TMEM132C: variants seen among roughly 807,000 people sequenced by gnomAD.
The protein encoded by TMEM132C is transmembrane protein 132C, also known as protein phosphatase 1, regulatory subunit 152.
TMEM132C carries 29 observed loss-of-function variants against 61.4 expected under a neutral mutation model. The observed-to-expected ratio is 0.47, with a 90% CI of 0.35 to 0.64. The LOEUF (loss-of-function observed/expected upper bound fraction) is 0.64, where lower values mean the gene tolerates loss of function less well. TMEM132C is among the 30% of genes least tolerant of loss of function. TMEM132C has a pLI of 0.00. For synonymous variants in TMEM132C, 656 were observed against 633.1 expected, an observed-to-expected ratio of 1.04 and a Z score of -0.54; for missense variants, 1,408 against 1,476.9, an observed-to-expected ratio of 0.95 and a Z score of 0.76.
At chr12:128,286,591 G>A (rs1015532570) in intron 1 of TMEM132C, among the ~76,000 whole-genome samples, 2 of 152,200 alleles carry the variant, frequency 1.3e-5, no homozygotes, top group African/African-American at 4.8e-5. Context: ...ATAAAAAATT[G>A]TTAAATGCTG....
At position 128,673,878 on chromosome 12, in the gene TMEM132C, G is replaced by T. The variant is rs575251988; in HGVS notation, c.1449+4318G>T. Among the ~76,000 whole-genome samples, 5 of 152,298 alleles carry T rather than the reference G, an allele frequency of 3.3e-5. No individual in the cohort carries two copies. In the East Asian group the frequency reaches 9.6e-4, roughly 29 times the overall value. On this transcript the variant is annotated intron_variant, in intron 5 of 8. Transcript: ENST00000435159. ...ACCTAGTAGCCAGCATATAGTAAGGGCTTAATAACTCAGAGTCAACTCTGG... is the reference window on the plus strand; with the variant it reads ...ACCTAGTAGCCAGCATATAGTAAGGTCTTAATAACTCAGAGTCAACTCTGG...
At chr12:128,422,933 G>A (rs1297110251) in intron 2 of TMEM132C, among the ~76,000 whole-genome samples, 1 of 152,144 alleles carries the variant, frequency 6.6e-6, no homozygotes, top group Admixed American at 6.5e-5. Flanking sequence ...GAGATATCTG[G>A]GTGGTCTGTG....
At chr12:128,301,322 G>A (rs1035052944) in intron 1 of TMEM132C, among the ~76,000 whole-genome samples, 6 of 152,170 alleles carry the variant, frequency 3.9e-5, no homozygotes, top group African/African-American at 1.4e-4. Flanking sequence ...TCTAGTTCCC[G>A]CCTCATTGCT....
rs35003496 is a variant in TMEM132C at position 128,278,750 on chromosome 12, A to ATGTGTGTG, written c.85+11293_85+11300dup. 6.9e-3 allele frequency among the ~76,000 whole-genome samples: 940 copies of ATGTGTGTG among 137,050 alleles called. 12 individuals are homozygous for ATGTGTGTG. Among genetic ancestry groups the ATGTGTGTG allele is most frequent in the East Asian group, 0.035 (169 of 4,834 alleles). 89.9% of individuals were successfully genotyped at this position (137,050 alleles called of 152,430 possible). On this transcript the variant is annotated intron_variant, in intron 1 of 8. Coordinates refer to ENST00000435159, the MANE Select transcript of TMEM132C (RefSeq NM_001136103.3). This position sits in a 1 kb window ranked among gnomAD's most constrained non-coding sequence, Gnocchi z 4.2. The stretch of plus-strand genomic sequence containing the variant: ...TGTGCAGACTTGATTCTATACGTGT[A>ATGTGTGTG]TGTGTGTGTGTGTGTGTGTGTGTGT...
chr12:128,500,745 A>T (rs1489487922), intron 2 of TMEM132C, among the ~76,000 whole-genome samples: 1 of 152,216 alleles, frequency 6.6e-6, no homozygotes, highest in African/African-American at 2.4e-5. Flanking sequence ...AACATGGTAC[A>T]AGATGCTATG....
At chr12:128,429,418 A>G (rs1304023949) in intron 2 of TMEM132C, among the ~76,000 whole-genome samples, 1 of 152,202 alleles carries the variant, frequency 6.6e-6, no homozygotes, top group Admixed American at 6.5e-5. Context: ...GTTATAACCA[A>G]TTGCTTATCA....
At chr12:128,310,535 T>C (rs1156320884) in intron 1 of TMEM132C, among the ~76,000 whole-genome samples, 6 of 150,256 alleles carry the variant, frequency 4.0e-5, no homozygotes, top group Non-Finnish European at 7.4e-5. Flanking sequence ...CAAGAGAGAG[T>C]GGGGTCGGGG....
chr12:128,320,616 A>C (rs915519005), intron 1 of TMEM132C, among the ~76,000 whole-genome samples: 1 of 152,060 alleles, frequency 6.6e-6, no homozygotes, highest in Non-Finnish European at 1.5e-5. Flanking sequence ...AAAATTAAAA[A>C]ATATTAGTCA....
intron 3 of TMEM132C, among the ~76,000 whole-genome samples, chr12:128,591,345 C>T (rs898871476): frequency 4.6e-5 from 7 of 152,060 alleles, no homozygotes; most frequent in African/African-American, 1.7e-4. Context: ...CTGGGCGTTT[C>T]GTGTCAGTGG....
chr12:128,267,481 G>C lies in TMEM132C; in HGVS notation c.79G>C (p.Gly27Arg). The change falls in exon 1 of 9, where the codon GGC becomes CGC. Residue 27 changes from glycine to arginine, a missense_variant. Gly to Arg is a moderately radical substitution (Grantham distance 125). Coordinates refer to ENST00000435159, the MANE Select transcript of TMEM132C (RefSeq NM_001136103.3). Reference sequence around the variant, plus strand: ...GAGCCTGCTGCTGGGCGCGCTGCTGGGCAAAGGTAAGGCCGGGGCGGGTGC... The same window carrying C: ...GAGCCTGCTGCTGGGCGCGCTGCTGCGCAAAGGTAAGGCCGGGGCGGGTGC... ...ALSLLLGALLGKVIEGHGVTD... is the reference protein window; with the variant it reads ...ALSLLLGALLRKVIEGHGVTD... The C allele has an allele frequency of 7.9e-7, 1 of 1,265,994 alleles. No individual in the cohort carries two copies. Among genetic ancestry groups the C allele is most frequent in the Non-Finnish European group, 9.9e-7 (1 of 1,008,228 alleles). 78.4% of individuals were successfully genotyped at this position (1,265,994 alleles called of 1,614,324 possible). A position where few individuals can be genotyped will look rare whatever the true frequency, so the allele number is the denominator to read the frequency against.
intron 2 of TMEM132C, among the ~76,000 whole-genome samples, chr12:128,431,001 A>G (rs1041142566): frequency 2.6e-5 from 4 of 152,218 alleles, no homozygotes; most frequent in Non-Finnish European, 4.4e-5. Flanking sequence ...ACTTTCAGTC[A>G]AAAGCTAGAA....
chr12:128,598,914 A>T (rs1034588954), intron 3 of TMEM132C, among the ~76,000 whole-genome samples: 9 of 151,976 alleles, frequency 5.9e-5, no homozygotes, highest in Admixed American at 3.3e-4. Flanking sequence ...TCTAGTTTCA[A>T]TCCATTTCCT....
At chr12:128,307,822 G>T (rs1295878563) in intron 1 of TMEM132C, among the ~76,000 whole-genome samples, 1 of 152,136 alleles carries the variant, frequency 6.6e-6, no homozygotes, top group African/African-American at 2.4e-5. Flanking sequence ...ATGGCAATGG[G>T]TCCCCCACTC....
chr12:128,361,709 G>C (rs940614288), intron 1 of TMEM132C, among the ~76,000 whole-genome samples: 1 of 151,598 alleles, frequency 6.6e-6, no homozygotes, highest in East Asian at 1.9e-4. Flanking sequence ...AGGAGATGGA[G>C]ACCATGTGCT....
At chr12:128,488,648 A>G (rs556939441) in intron 2 of TMEM132C, among the ~76,000 whole-genome samples, 65 of 152,086 alleles carry the variant, frequency 4.3e-4, no homozygotes, top group African/African-American at 1.4e-3. Flanking sequence ...GTGATAGATC[A>G]TGACTCCATC....
At chr12:128,609,183 G>T (rs1565990318) in intron 3 of TMEM132C, among the ~76,000 whole-genome samples, 3 of 36,110 alleles carry the variant, frequency 8.3e-5, no homozygotes, top group African/African-American at 3.2e-4. Flanking sequence ...CCACCTCCCT[G>T]CAACCCTGTA....
chr12:128,460,287 C>T (rs1164775180), intron 2 of TMEM132C, among the ~76,000 whole-genome samples: 1 of 152,178 alleles, frequency 6.6e-6, no homozygotes, highest in African/African-American at 2.4e-5. Context: ...CCAGGACTGC[C>T]TTTAGACCCA....
intron 2 of TMEM132C, among the ~76,000 whole-genome samples, chr12:128,462,755 A>T (rs1870582304): frequency 6.6e-6 from 1 of 152,170 alleles, no homozygotes; most frequent in South Asian, 2.1e-4. Context: ...CACAAAAAGG[A>T]ATGCTTGTAA....
chr12:128,669,372 A>G, intron 4 of TMEM132C, 45 bp from the exon 5 acceptor site: 1 of 1,547,012 alleles, frequency 6.5e-7, no homozygotes, highest in Middle Eastern at 1.7e-4. Context: ...TCCCAACAGA[A>G]TGGAATATCT....
Sources: allele counts gnomAD v4.1 joint callset (sites outside exome capture counted in the v4.1 genomes callset), GRCh38; gene constraint gnomAD v4.1.1; non-coding constraint Gnocchi (gnomAD v3.1); transcripts MANE v1.5; gene names NCBI Gene and HGNC (gene_info 2026-07-23, HGNC 2026-07-21).